Variants in CRISPLD2 observed in about 807,000 individuals in gnomAD.
CRISPLD2 encodes the protein cysteine rich secretory protein LCCL domain containing 2, also known as cysteine-rich secretory protein LCCL domain-containing 2.
Under a neutral mutation model 71.1 loss-of-function variants are expected in CRISPLD2, and 47 were observed. The ratio of observed to expected loss-of-function variants is 0.66; its 90% CI spans 0.52 to 0.84. CRISPLD2 has a LOEUF of 0.84. CRISPLD2 is among the 40% of genes least tolerant of loss of function. The pLI, the probability that CRISPLD2 is intolerant of heterozygous loss-of-function variation, is 0.00. For synonymous variants in CRISPLD2, 317 were observed against 250.1 expected (o/e 1.27, Z -2.52); for missense variants, 830 against 651.1 (o/e 1.27, Z -2.99).
chr16:84,867,862 T>C (rs559746949), intron 7 of CRISPLD2, among the ~76,000 whole-genome samples: 1 of 152,344 alleles, frequency 6.6e-6, no homozygotes, highest in East Asian at 1.9e-4. Context: ...CCCCAAGCTT[T>C]TGTTCTGTCT....
intron 11 of CRISPLD2, among the ~76,000 whole-genome samples, chr16:84,876,593 G>C (rs2071520449): frequency 6.6e-6 from 1 of 151,938 alleles, no homozygotes; most frequent in Admixed American, 6.6e-5. Flanking sequence ...AGGAGTTCGA[G>C]ACAAGCCTGG....
rs568223642 is a variant in CRISPLD2 at position 84,908,601 on chromosome 16, C to T, written c.*1959C>T. On this transcript the variant is annotated 3_prime_UTR_variant, in exon 15 of 15. Coordinates refer to ENST00000262424, the MANE Select transcript of CRISPLD2 (RefSeq NM_031476.4). ...TGACCCCATCATTTAAAAATAAAGT[C>T]CCCGGGTTCCTTAATGCCTCCTTCA... is the stretch of plus-strand genomic sequence containing the variant. The T allele has an allele frequency of 1.3e-5, 2 of 152,088 alleles. No homozygotes were observed. The highest frequency in any genetic ancestry group is 4.2e-4 in the South Asian group (2 of 4,806). The allele number at this position is 152,088 out of a possible 1,614,324, so 9.4% of individuals were successfully genotyped here. A position where few individuals can be genotyped will look rare whatever the true frequency, so the allele number is the denominator to read the frequency against.
intron 14 of CRISPLD2, among the ~76,000 whole-genome samples, chr16:84,900,237 C>G (rs1466293971): frequency 6.6e-6 from 1 of 152,064 alleles, no homozygotes; most frequent in East Asian, 1.9e-4. Flanking sequence ...AAGTGTGAAG[C>G]TGCCATGGAG....
intron 5 of CRISPLD2, among the ~76,000 whole-genome samples, chr16:84,854,039 G>A (rs1378131418): frequency 1.3e-5 from 2 of 152,220 alleles, no homozygotes; most frequent in Admixed American, 6.5e-5. Context: ...TCCGGAGGGA[G>A]GCAGAGGGCA....
chr16:84,895,134 G>A (rs1347333098), intron 14 of CRISPLD2, among the ~76,000 whole-genome samples: 1 of 152,124 alleles, frequency 6.6e-6, no homozygotes, highest in African/African-American at 2.4e-5. Flanking sequence ...TTCCCCAACA[G>A]CCCTGCAAAG....
At position 84,845,867 on chromosome 16, in the gene CRISPLD2, G is replaced by GTGTC; in HGVS notation, c.323_326dup (p.Ile110ValfsTer25). On this transcript the variant is annotated frameshift_variant, in exon 3 of 15. Transcript: ENST00000262424. LOFTEE classifies it high-confidence loss of function. ...GGAGCACGGGCCCACCAGTCTGCTG[G>GTGTC]TGTCCATCGGGCAGAACCTGGGCGC... 1 of 1,614,054 alleles carries GTGTC rather than the reference G, an allele frequency of 6.2e-7. No homozygotes were observed. Among genetic ancestry groups the GTGTC allele is most frequent in the Non-Finnish European group, 8.5e-7 (1 of 1,179,900 alleles).
At chr16:84,862,316 TCTCAGCCTCCC>T (rs1291555236) in intron 6 of CRISPLD2, among the ~76,000 whole-genome samples, 1 of 152,016 alleles carries the variant, frequency 6.6e-6, no homozygotes, top group East Asian at 1.9e-4. Context: ...GATCCTCCCA[TCTCAGCCTCCC>T]GAGTAGCTGG....
chr16:84,828,703 A>G (rs1916414794), intron 1 of CRISPLD2, among the ~76,000 whole-genome samples: 1 of 152,084 alleles, frequency 6.6e-6, no homozygotes, highest in South Asian at 2.1e-4. Context: ...CTTTTCTTAT[A>G]TATCACCTTG....
chr16:84,873,144 C>T (rs1267555979), intron 10 of CRISPLD2, 22 bp downstream of exon 10: 2 of 1,601,828 alleles, frequency 1.2e-6, no homozygotes, highest in Non-Finnish European at 8.5e-7. Flanking sequence ...GTGATCGGGG[C>T]TCTGTGAAAC....
intron 14 of CRISPLD2, 48 bp downstream of exon 14, chr16:84,889,411 G>C (rs111727529): frequency 3.1e-5 from 48 of 1,569,378 alleles, no homozygotes; most frequent in Middle Eastern, 1.7e-4. Flanking sequence ...GGCTGCTAAT[G>C]GTCCCTCAGG....
At chr16:84,856,410 C>T (rs139464558) in intron 6 of CRISPLD2, among the ~76,000 whole-genome samples, 1 of 152,142 alleles carries the variant, frequency 6.6e-6, no homozygotes, top group Non-Finnish European at 1.5e-5. Context: ...CCCAAAGTGT[C>T]CAGGTGGCAA....
At chr16:84,821,248 C>T (rs979376731) in intron 1 of CRISPLD2, among the ~76,000 whole-genome samples, 3 of 152,142 alleles carry the variant, frequency 2.0e-5, no homozygotes, top group African/African-American at 7.2e-5. Flanking sequence ...TGGTCCTTTC[C>T]AGTAGACTGA....
chr16:84,838,190 C>G (rs567121524), intron 1 of CRISPLD2, among the ~76,000 whole-genome samples: 47 of 152,310 alleles, frequency 3.1e-4, no homozygotes, highest in Non-Finnish European at 4.9e-4. Context: ...AAGAACTGTT[C>G]TAGGTTATCC....
chr16:84,873,893 GTTTTT>G lies in CRISPLD2; in HGVS notation c.1113-11_1113-7del, dbSNP rs10600678. ...TTCTATTTGCATTTACCTAATGCCC[GTTTTT>G]TTTTTTTTTTTTTTTAAACAGCAAA... On this transcript the variant is annotated intron_variant, in intron 10 of 14. Transcript: ENST00000262424. The G allele has an allele frequency of 2.3e-4, 327 of 1,418,886 alleles. No homozygotes were observed. Among genetic ancestry groups the G allele is most frequent in the South Asian group, 4.4e-4 (33 of 75,416 alleles). The allele number at this position is 1,418,886 out of a possible 1,614,324, so 87.9% of individuals were successfully genotyped here.
chr16:84,873,605 T>G, intron 10 of CRISPLD2: 1 of 299,824 alleles, frequency 3.3e-6, no homozygotes, highest in East Asian at 5.9e-5. Context: ...TTGTAATGTT[T>G]TAAATTTATC....
chr16:84,833,109 A>C (rs1030430360), intron 1 of CRISPLD2, among the ~76,000 whole-genome samples: 14 of 152,332 alleles, frequency 9.2e-5, no homozygotes, highest in South Asian at 2.1e-4. Context: ...TCCTGGACTC[A>C]GTTGCACTTT....
intron 1 of CRISPLD2, among the ~76,000 whole-genome samples, chr16:84,825,586 T>A (rs1299678310): frequency 1.3e-5 from 2 of 151,948 alleles, no homozygotes; most frequent in Admixed American, 1.3e-4. Context: ...CAAAACCTTG[T>A]TTCTACTGGA....
chr16:84,861,898 C>G (rs1295922984), intron 6 of CRISPLD2, among the ~76,000 whole-genome samples: 3 of 152,262 alleles, frequency 2.0e-5, no homozygotes, highest in East Asian at 3.9e-4. Context: ...CCACTGCACT[C>G]CAGCCTGGGC....
chr16:84,862,727 G>A (rs1037711865), intron 6 of CRISPLD2, among the ~76,000 whole-genome samples: 8 of 138,720 alleles, frequency 5.8e-5, no homozygotes, highest in African/African-American at 1.4e-4. Flanking sequence ...TGCCATGACC[G>A]AGGGGCCTTG....
Sources: allele counts gnomAD v4.1 joint callset (sites outside exome capture counted in the v4.1 genomes callset), GRCh38; gene constraint gnomAD v4.1.1; transcripts MANE v1.5; gene names NCBI Gene and HGNC (gene_info 2026-07-23, HGNC 2026-07-21).